The following PSMD14 variants were observed in gnomAD, a reference collection of about 807,000 sequenced individuals.
PSMD14 encodes the protein proteasome 26S subunit, non-ATPase 14.
Under a neutral mutation model 41.2 loss-of-function variants are expected in PSMD14, and 7 were observed. The ratio of observed to expected loss-of-function variants is 0.17; its 90% CI spans 0.10 to 0.32. The LOEUF is 0.32. Ranked by LOEUF, PSMD14 falls within the 10% of genes least tolerant of loss-of-function variation. PSMD14 has a pLI of 1.00. For synonymous variants in PSMD14, 114 were observed against 122.3 expected (o/e 0.93, Z 0.45); for missense variants, 139 against 375.6 (o/e 0.37, Z 5.21).
intron 10 of PSMD14, among the ~76,000 whole-genome samples, chr2:161,401,778 C>CGTT (rs1553509129): frequency 3.6e-4 from 54 of 150,950 alleles, no homozygotes; most frequent in Middle Eastern, 3.2e-3. Context: ...ATGCATTTGA[C>CGTT]ATTATTATTA....
chr2:161,377,069 C>A (rs1683512265), intron 7 of PSMD14, among the ~76,000 whole-genome samples: 1 of 151,750 alleles, frequency 6.6e-6, no homozygotes, highest in African/African-American at 2.4e-5. Context: ...AATTTGAACC[C>A]TGTAAAATTA....
intron 8 of PSMD14, among the ~76,000 whole-genome samples, chr2:161,386,098 G>T (rs943932329): frequency 6.6e-6 from 1 of 151,670 alleles, no homozygotes; most frequent in African/African-American, 2.4e-5. Context: ...GTTTTTTATT[G>T]TGATAGTCAA....
intron 3 of PSMD14, among the ~76,000 whole-genome samples, chr2:161,346,519 C>T (rs1298702133): frequency 6.7e-6 from 1 of 149,100 alleles, no homozygotes; most frequent in Non-Finnish European, 1.5e-5. Context: ...TTTTTTGCTG[C>T]TTTGTATGTC....
In PSMD14 at chr2:161,411,434, T is replaced by C; in HGVS notation, c.*34T>C. 1 of 1,446,982 alleles carries C rather than the reference T, an allele frequency of 6.9e-7. No individual in the cohort carries two copies. Among genetic ancestry groups the C allele is most frequent in the Middle Eastern group, 1.8e-4 (1 of 5,550 alleles). 89.6% of individuals were successfully genotyped at this position (1,446,982 alleles called of 1,614,324 possible). On this transcript the variant is annotated 3_prime_UTR_variant, in exon 12 of 12. Transcript: ENST00000409682. ...AAAACGCTATTAATGATGCCTTCAGTGTATATTCCTCTGTTGTTCCTAATG... is the reference window on the plus strand; with the variant it reads ...AAAACGCTATTAATGATGCCTTCAGCGTATATTCCTCTGTTGTTCCTAATG...
intron 3 of PSMD14, among the ~76,000 whole-genome samples, chr2:161,354,478 T>A (rs1218492457): frequency 1.5e-5 from 2 of 135,852 alleles, no homozygotes; most frequent in Non-Finnish European, 3.1e-5. Context: ...TGTTTTTTTA[T>A]AACAAAGGTA....
At chr2:161,362,693 A>C (rs1683306847) in intron 3 of PSMD14, among the ~76,000 whole-genome samples, 1 of 152,196 alleles carries the variant, frequency 6.6e-6, no homozygotes, top group African/African-American at 2.4e-5. Flanking sequence ...CTGCCATCTA[A>C]TGTTGCAAAT....
chr2:161,317,557 C>T (rs1423118093), intron 2 of PSMD14, among the ~76,000 whole-genome samples: 1 of 152,124 alleles, frequency 6.6e-6, no homozygotes, highest in Non-Finnish European at 1.5e-5. Context: ...GATGTGTTCA[C>T]TTTTGAAGAT....
intron 3 of PSMD14, among the ~76,000 whole-genome samples, chr2:161,354,438 T>C (rs977058444): frequency 6.6e-6 from 1 of 152,090 alleles, no homozygotes; most frequent in African/African-American, 2.4e-5. Context: ...GTAGAGACGG[T>C]TTCGTCATGT....
At position 161,361,960 on chromosome 2, in the gene PSMD14, G is replaced by A. The variant is rs943429468; in HGVS notation, c.49-5518G>A. Among the ~76,000 whole-genome samples the A allele has an allele frequency of 2.0e-5, 3 of 152,130 alleles. No individual in the cohort carries two copies. The East Asian group carries it at 5.8e-4, about 29-fold the overall frequency. ...ATTTGATCTTACCTTATGTTGCTTGGTATTTTTTTCTTCTTTCTTGATTTC... is the reference window on the plus strand; with the variant it reads ...ATTTGATCTTACCTTATGTTGCTTGATATTTTTTTCTTCTTTCTTGATTTC... On this transcript the variant is annotated intron_variant, in intron 3 of 11. Coordinates refer to ENST00000409682, the MANE Select transcript of PSMD14 (RefSeq NM_005805.6).
chr2:161,310,150 C>G (rs900246909), intron 1 of PSMD14, among the ~76,000 whole-genome samples: 2 of 151,068 alleles, frequency 1.3e-5, no homozygotes, highest in African/African-American at 2.4e-5. Flanking sequence ...GACTTTGTCT[C>G]AAAAAAAAGA....
At chr2:161,334,814 C>T (rs1216332628) in intron 3 of PSMD14, among the ~76,000 whole-genome samples, 1 of 152,282 alleles carries the variant, frequency 6.6e-6, no homozygotes, top group East Asian at 1.9e-4. Context: ...TCTCCCTCCT[C>T]AGCCTCCCAA....
chr2:161,386,361 A>G (rs1297838034), intron 8 of PSMD14, among the ~76,000 whole-genome samples: 1 of 151,856 alleles, frequency 6.6e-6, no homozygotes, highest in Non-Finnish European at 1.5e-5. Flanking sequence ...TATAGTAGCT[A>G]TTGCTGCTCC....
intron 10 of PSMD14, among the ~76,000 whole-genome samples, chr2:161,406,049 A>C (rs1291674208): frequency 1.3e-5 from 2 of 152,152 alleles, no homozygotes; most frequent in Non-Finnish European, 2.9e-5. Context: ...GGAGATCCTT[A>C]AGAGTGTTAG....
intron 9 of PSMD14, among the ~76,000 whole-genome samples, chr2:161,394,852 A>G (rs2105268074): frequency 6.6e-6 from 1 of 152,296 alleles, no homozygotes; most frequent in Non-Finnish European, 1.5e-5. Flanking sequence ...AGATGAGAAT[A>G]GCCTTCTAGG....
intron 11 of PSMD14, among the ~76,000 whole-genome samples, chr2:161,409,920 A>G (rs1485187787): frequency 6.6e-6 from 1 of 152,070 alleles, no homozygotes; most frequent in Admixed American, 6.6e-5. Context: ...TTTAATCATA[A>G]TACTAGATCA....
intron 10 of PSMD14, among the ~76,000 whole-genome samples, chr2:161,402,220 A>G (rs917076299): frequency 3.3e-5 from 5 of 152,230 alleles, no homozygotes; most frequent in African/African-American, 1.2e-4. Context: ...CATTCTGTAG[A>G]ATGATCTTTC....
chr2:161,367,263 C>A (rs1003062527), intron 3 of PSMD14, among the ~76,000 whole-genome samples: 1 of 152,130 alleles, frequency 6.6e-6, no homozygotes, highest in Non-Finnish European at 1.5e-5. Context: ...AACTTTATGT[C>A]CATTAGACCC....
chr2:161,376,805 A>G (rs1683509074), intron 7 of PSMD14, among the ~76,000 whole-genome samples: 1 of 151,958 alleles, frequency 6.6e-6, no homozygotes, highest in African/African-American at 2.4e-5. Flanking sequence ...ACCAATTCAT[A>G]TCTTGGAATT....
chr2:161,383,953 G>A (rs1363684687), intron 7 of PSMD14: 3 of 151,356 alleles, frequency 2.0e-5, no homozygotes, highest in South Asian at 2.1e-4. Flanking sequence ...ATGTCTGATA[G>A]TACTTGTTTT....
Sources: gnomAD v4.1 joint callset for allele counts (sites outside exome capture counted in the v4.1 genomes callset) on GRCh38, gnomAD v4.1.1 for gene constraint, MANE v1.5 for transcripts, NCBI Gene and HGNC (gene_info 2026-07-23, HGNC 2026-07-21) for gene names.